ASTN2: variants seen among roughly 807,000 people sequenced by gnomAD.
The protein encoded by ASTN2 is astrotactin-2.
In ASTN2, 54 loss-of-function variants were observed where a neutral mutation model predicts 139.8. The ratio of observed to expected loss-of-function variants is 0.39; its 90% CI spans 0.31 to 0.48. The LOEUF (loss-of-function observed/expected upper bound fraction) is 0.48. ASTN2 is among the 20% of genes least tolerant of loss of function. The probability of loss-of-function intolerance (pLI) is 0.95; values close to 1 mark genes in which losing one functional copy is unlikely to be tolerated. For missense variants in ASTN2, 1,565 were observed against 1,725.1 expected (o/e 0.91, Z 1.64); for synonymous variants, 756 against 719.5 (o/e 1.05, Z -0.81).
intron 17 of ASTN2, among the ~76,000 whole-genome samples, chr9:116,639,634 G>A (rs904637453): frequency 6.6e-6 from 1 of 152,192 alleles, no homozygotes; most frequent in African/African-American, 2.4e-5. Flanking sequence ...CATTGCCCTG[G>A]CTGGGGCAGT....
intron 19 of ASTN2, among the ~76,000 whole-genome samples, chr9:116,554,758 C>G (rs1852522457): frequency 6.6e-6 from 1 of 151,890 alleles, no homozygotes; most frequent in African/African-American, 2.4e-5. Context: ...CCTGGTTTTC[C>G]ATTTACCAGT....
At chr9:116,473,644 T>C in intron 20 of ASTN2, among the ~76,000 whole-genome samples, 1 of 152,196 alleles carries the variant, frequency 6.6e-6, no homozygotes, top group East Asian at 1.9e-4. Context: ...ATGCCTGTAA[T>C]CCCAGCACTT....
intron 3 of ASTN2, among the ~76,000 whole-genome samples, chr9:117,163,039 C>T (rs1830588115): frequency 2.0e-5 from 3 of 152,030 alleles, no homozygotes; most frequent in Admixed American, 6.6e-5. Context: ...TATGAAAATG[C>T]CAGTCAACCT....
intron 10 of ASTN2, among the ~76,000 whole-genome samples, chr9:116,959,832 T>C: frequency 6.6e-6 from 1 of 152,156 alleles, no homozygotes; most frequent in East Asian, 1.9e-4. Flanking sequence ...CTCGCTCCAG[T>C]GCAGAATGAA....
At chr9:117,144,172 G>A (rs1830137737) in intron 3 of ASTN2, among the ~76,000 whole-genome samples, 1 of 152,152 alleles carries the variant, frequency 6.6e-6, no homozygotes, top group African/African-American at 2.4e-5. Context: ...GACACAGTGA[G>A]GGGTGGCATC....
At chr9:117,173,599 A>G (rs1473307225) in intron 3 of ASTN2, among the ~76,000 whole-genome samples, 2 of 152,128 alleles carry the variant, frequency 1.3e-5, no homozygotes, top group Non-Finnish European at 2.9e-5. Flanking sequence ...TTTTCTAAAC[A>G]TATGCCTGGA....
intron 2 of ASTN2, among the ~76,000 whole-genome samples, chr9:117,253,402 C>T (rs961994310): frequency 8.5e-5 from 13 of 152,176 alleles, no homozygotes; most frequent in Non-Finnish European, 1.6e-4. Context: ...GGGACCAATC[C>T]CAGAGACATT....
chr9:117,012,370 G>A (rs1324619839), intron 6 of ASTN2, among the ~76,000 whole-genome samples: 1 of 152,102 alleles, frequency 6.6e-6, no homozygotes, highest in Non-Finnish European at 1.5e-5. Context: ...CAGTGACAAG[G>A]GTCAAGGGAG....
intron 19 of ASTN2, chr9:116,551,960 A>T (rs928016549): frequency 6.6e-6 from 1 of 152,226 alleles, no homozygotes; most frequent in African/African-American, 2.4e-5. Flanking sequence ...ATCCATAATG[A>T]TATGTCCAAA....
intron 6 of ASTN2, among the ~76,000 whole-genome samples, chr9:117,038,955 AG>A (rs1196043975): frequency 6.6e-6 from 1 of 152,222 alleles, no homozygotes; most frequent in East Asian, 1.9e-4. Flanking sequence ...GTATATTTAC[AG>A]GGAATGAGCA....
intron 7 of ASTN2, among the ~76,000 whole-genome samples, chr9:116,986,160 G>GCCCCCCCCCCCCC (rs34143043): frequency 5.2e-4 from 69 of 131,866 alleles, no homozygotes; most frequent in Admixed American, 1.2e-3. Context: ...TGTCCAGGCT[G>GCCCCCCCCCCCCC]CCCCCCCCCA....
intron 4 of ASTN2, among the ~76,000 whole-genome samples, chr9:117,130,529 A>G (rs990364794): frequency 1.4e-4 from 22 of 152,108 alleles, no homozygotes; most frequent in African/African-American, 4.8e-4. Context: ...TGCATTTCTT[A>G]CAACTTATAT....
intron 1 of ASTN2, among the ~76,000 whole-genome samples, chr9:117,325,865 C>T (rs1250213469): frequency 1.3e-5 from 2 of 152,120 alleles, no homozygotes; most frequent in Non-Finnish European, 2.9e-5. Context: ...GAGTCCCAAA[C>T]TCAACGCTGT....
intron 13 of ASTN2, among the ~76,000 whole-genome samples, chr9:116,802,181 G>T (rs1830881416): frequency 6.7e-6 from 1 of 149,672 alleles, no homozygotes; most frequent in African/African-American, 2.5e-5. Context: ...CCGCCTCCCG[G>T]GTTTACGCCC....
At chr9:117,230,508 T>C (rs1375054964) in intron 2 of ASTN2, among the ~76,000 whole-genome samples, 1 of 152,224 alleles carries the variant, frequency 6.6e-6, no homozygotes. Flanking sequence ...CGTAAGATCC[T>C]TAATTAATTA....
At chr9:116,446,290 GAGA>G (rs1564282731) in intron 20 of ASTN2, among the ~76,000 whole-genome samples, 5 of 151,014 alleles carry the variant, frequency 3.3e-5, no homozygotes, top group Non-Finnish European at 7.4e-5. Flanking sequence ...GAGAGAGAGA[GAGA>G]GAGAGAGAGA....
chr9:117,032,503 G>T (rs78674441), intron 6 of ASTN2, among the ~76,000 whole-genome samples: 2 of 152,100 alleles, frequency 1.3e-5, no homozygotes, highest in Non-Finnish European at 2.9e-5. Context: ...GGAACTACTC[G>T]TTTTAAATAA....
intron 19 of ASTN2, among the ~76,000 whole-genome samples, chr9:116,535,194 T>C (rs1851560980): frequency 6.6e-6 from 1 of 152,202 alleles, no homozygotes; most frequent in African/African-American, 2.4e-5. Flanking sequence ...CTCTGCCTTT[T>C]TGTATTTTCC....
intron 19 of ASTN2, among the ~76,000 whole-genome samples, chr9:116,524,631 G>A (rs576129999): frequency 3.9e-5 from 6 of 152,302 alleles, no homozygotes; most frequent in African/African-American, 1.2e-4. Context: ...CTCCCTTGGT[G>A]TTTTGTGAAC....
Sources: gnomAD v4.1 joint callset for allele counts (sites outside exome capture counted in the v4.1 genomes callset) on GRCh38, gnomAD v4.1.1 for gene constraint, MANE v1.5 for transcripts, NCBI Gene and HGNC (gene_info 2026-07-23, HGNC 2026-07-21) for gene names.